BIK: variants seen among roughly 807,000 people sequenced by gnomAD.
BIK encodes BCL2 interacting killer.
In BIK, 14 loss-of-function variants were observed where a neutral mutation model predicts 12.1. The ratio of observed to expected loss-of-function variants is 1.16; its 90% confidence interval spans 0.77 to 1.81. The LOEUF (loss-of-function observed/expected upper bound fraction) is 1.81, where lower values mean the gene tolerates loss of function less well. BIK is among the 40% of genes most tolerant of loss of function. The pLI is 0.00. For synonymous variants in BIK, 86 were observed against 92.3 expected (o/e 0.93, Z 0.39); for missense variants, 215 against 207.9 (o/e 1.03, Z -0.21).
At chr22:43,126,012 G>A (rs1045722565) in intron 2 of BIK, among the ~76,000 whole-genome samples, 1 of 149,978 alleles carries the variant, frequency 6.7e-6, no homozygotes, top group Admixed American at 6.7e-5. Context: ...CCATCCCAGC[G>A]GCAGGAAGGA....
intron 1 of BIK, among the ~76,000 whole-genome samples, chr22:43,119,747 C>T (rs772015905): frequency 7.2e-5 from 11 of 152,130 alleles, no homozygotes; most frequent in South Asian, 4.2e-4. Flanking sequence ...GAGGCCCAGG[C>T]GGGAGTTGAA....
At chr22:43,124,319 A>G in intron 2 of BIK, 136 bp downstream of exon 2, 1 of 1,095,714 alleles carries the variant, frequency 9.1e-7, no homozygotes, top group South Asian at 1.5e-5. Context: ...GATTTCCCGG[A>G]TGTGGGCATG....
At chr22:43,124,847 G>C (rs1159567662) in intron 2 of BIK, among the ~76,000 whole-genome samples, 2 of 152,162 alleles carry the variant, frequency 1.3e-5, no homozygotes, top group South Asian at 2.1e-4. Context: ...ACCCAAGGTT[G>C]CAAAAATGCA....
Position 43,123,953 on chromosome 22 carries a change from TGA to T in BIK, c.-7-57_-7-56del, listed in dbSNP as rs1020597076. On this transcript the variant is annotated intron_variant, in intron 1 of 4. Transcript: ENST00000216115. ...GCTATACAATCTGGGGGTCATCCTG[TGA>T]GAGAGCCCCCAGACTGCTCAGTTCT... 3.9e-6 allele frequency: 6 copies of T among 1,550,038 alleles called. No individual in the cohort carries two copies. The African/African-American group carries it at 4.1e-5, about 11-fold the overall frequency.
In BIK at chr22:43,124,064, G is replaced by C. The variant is rs1204308927; in HGVS notation, c.42G>C (p.Glu14Asp). Residue 14 changes from glutamate (E) to aspartate (D), a missense_variant, in exon 2 of 5, where the codon GAG (glutamate) becomes GAC (aspartate). Coordinates refer to ENST00000216115, the MANE Select transcript of BIK (RefSeq NM_001197.5). ...CCCTCTCCAGAGACATCTTGATGGA[G>C]ACCCTCCTGTATGAGCAGCTCCTGG... ...VRPLSRDILM[E>D]TLLYEQLLEP... is the part of the protein sequence containing the mutation. The C allele has an allele frequency of 3.7e-6, 6 of 1,614,072 alleles. No individual in the cohort carries two copies. The highest frequency in any genetic ancestry group is 4.2e-6 in the Non-Finnish European group (5 of 1,180,032).
At chr22:43,121,789 T>G (rs578107080) in intron 1 of BIK, among the ~76,000 whole-genome samples, 2 of 152,218 alleles carry the variant, frequency 1.3e-5, no homozygotes, top group Admixed American at 1.3e-4. Context: ...GTCTATACAA[T>G]GTAAAACATC....
chr22:43,126,673 T>C (rs1930322573), intron 2 of BIK, among the ~76,000 whole-genome samples: 1 of 152,134 alleles, frequency 6.6e-6, no homozygotes, highest in African/African-American at 2.4e-5. Context: ...CAGCTCCATG[T>C]TCCACAGGAT....
chr22:43,121,966 G>A (rs4988405), intron 1 of BIK, among the ~76,000 whole-genome samples: 2,659 of 152,302 alleles, frequency 0.017, 81 homozygotes, highest in African/African-American at 0.061. Flanking sequence ...CCTGACCTCA[G>A]GTGATCCGCC....
At chr22:43,111,540 C>T (rs978149393) in intron 1 of BIK, among the ~76,000 whole-genome samples, 2 of 152,100 alleles carry the variant, frequency 1.3e-5, no homozygotes, top group African/African-American at 4.8e-5. Context: ...GGGGCGCGGT[C>T]ACGACAAGGC....
intron 1 of BIK, among the ~76,000 whole-genome samples, chr22:43,114,296 A>G (rs1930067898): frequency 6.6e-6 from 1 of 152,018 alleles, no homozygotes; most frequent in Non-Finnish European, 1.5e-5. Context: ...ATTTAAGATC[A>G]AGTATTCTTG....
At position 43,129,067 on chromosome 22, in the gene BIK, C is replaced by G. The variant is rs1248742528; in HGVS notation, c.391-146C>G. On this transcript the variant is annotated intron_variant, in intron 4 of 4. Transcript: ENST00000216115. ...ACGTCCTCAGGGCCACTTTCCCCCT[C>G]TCCTGAACTCCTTCCTTCTCTGGTC... is the stretch of plus-strand genomic sequence containing the variant. 1.1e-5 allele frequency: 16 copies of G among 1,436,014 alleles called. No homozygotes were observed. In the South Asian group the frequency reaches 1.9e-4, roughly 17 times the overall value. The allele number at this position is 1,436,014 out of a possible 1,614,324, so 89.0% of individuals were successfully genotyped here.
At chr22:43,113,696 G>A (rs569942171) in intron 1 of BIK, among the ~76,000 whole-genome samples, 10 of 152,298 alleles carry the variant, frequency 6.6e-5, no homozygotes, top group African/African-American at 2.4e-4. Context: ...AGTGAGTCTT[G>A]AAGCTGACAC....
chr22:43,116,871 T>TCCC (rs1447672366), intron 1 of BIK, among the ~76,000 whole-genome samples: 1 of 151,782 alleles, frequency 6.6e-6, no homozygotes, highest in African/African-American at 2.4e-5. Flanking sequence ...CCCAGGGAGG[T>TCCC]GGAGACTACA....
chr22:43,126,531 G>A (rs1402158737), intron 2 of BIK, among the ~76,000 whole-genome samples: 2 of 152,158 alleles, frequency 1.3e-5, no homozygotes, highest in African/African-American at 4.8e-5. Flanking sequence ...TGAGGAACGT[G>A]AAGGCCCAGG....
At chr22:43,119,951 C>A (rs11912321) in intron 1 of BIK, among the ~76,000 whole-genome samples, 6,846 of 152,070 alleles carry the variant, frequency 0.045, 485 homozygotes, top group African/African-American at 0.15. Context: ...CCTGGGCAAA[C>A]GGGTGAGACC....
chr22:43,127,146 T>TG (rs1228357603), intron 2 of BIK, among the ~76,000 whole-genome samples: 1 of 152,026 alleles, frequency 6.6e-6, no homozygotes, highest in Non-Finnish European at 1.5e-5. Flanking sequence ...TGTGGTTTAG[T>TG]GGGGGGCCTA....
chr22:43,129,186 C>T (rs772792434), intron 4 of BIK, 27 bp from the exon 5 acceptor site: 13 of 1,602,462 alleles, frequency 8.1e-6, no homozygotes, highest in East Asian at 2.2e-5. Flanking sequence ...CTGCCCCGAG[C>T]CTGACTCCTC....
Position 43,129,461 on chromosome 22 carries a change from C to A in BIK, c.*156C>A. On this transcript the variant is annotated 3_prime_UTR_variant, in exon 5 of 5. Transcript: ENST00000216115. ...TGGAACACTGCTGAGGTTTTATACT[C>A]AGGTTTTTTGTTTTTTTTTTATTCC... The A allele has an allele frequency of 1.6e-6, 2 of 1,255,532 alleles. No individual in the cohort carries two copies. Among genetic ancestry groups the A allele is most frequent in the South Asian group, 1.7e-5 (1 of 59,620 alleles). The allele number at this position is 1,255,532 out of a possible 1,614,324, so 77.8% of individuals were successfully genotyped here.
intron 1 of BIK, among the ~76,000 whole-genome samples, chr22:43,117,870 T>C (rs1489304096): frequency 6.6e-6 from 1 of 151,442 alleles, no homozygotes; most frequent in African/African-American, 2.4e-5. Flanking sequence ...CGGAGTTTTA[T>C]TACCATGTTA....
Sources: allele counts gnomAD v4.1 joint callset (sites outside exome capture counted in the v4.1 genomes callset), GRCh38; gene constraint gnomAD v4.1.1; transcripts MANE v1.5; gene names NCBI Gene and HGNC (gene_info 2026-07-23, HGNC 2026-07-21).